OSBPL9: variants seen among roughly 807,000 people sequenced by gnomAD.
OSBPL9 encodes oxysterol-binding protein-related protein 9.
Under a neutral mutation model 106.6 loss-of-function variants are expected in OSBPL9, and 40 were observed. The ratio of observed to expected loss-of-function variants is 0.38; its 90% CI spans 0.29 to 0.49. OSBPL9 has a LOEUF of 0.49. OSBPL9 is among the 20% of genes least tolerant of loss of function. The pLI is 0.97. For synonymous variants in OSBPL9, 269 were observed against 295.4 expected, an observed-to-expected ratio of 0.91 and a Z score of 0.92; for missense variants, 609 against 887.2, an observed-to-expected ratio of 0.69 and a Z score of 3.98.
At chr1:51,696,418 C>T (rs1248961391) in intron 3 of OSBPL9, among the ~76,000 whole-genome samples, 1 of 152,142 alleles carries the variant, frequency 6.6e-6, no homozygotes, top group Admixed American at 6.6e-5. Flanking sequence ...ACAACAACAA[C>T]AACAAAAAGC....
At chr1:51,670,254 G>T (rs1483367217) in intron 3 of OSBPL9, among the ~76,000 whole-genome samples, 1 of 152,108 alleles carries the variant, frequency 6.6e-6, no homozygotes, top group Non-Finnish European at 1.5e-5. Context: ...TAGTATTAAT[G>T]GTTTTGTTAT....
At chr1:51,605,330 C>A (rs185608312) in intron 2 of OSBPL9, among the ~76,000 whole-genome samples, 2 of 152,298 alleles carry the variant, frequency 1.3e-5, no homozygotes, top group African/African-American at 4.8e-5. Context: ...GTGGCTCACA[C>A]CTGCAATCCC....
the OSBPL9 span, among the ~76,000 whole-genome samples, chr1:51,568,039 T>C: frequency 6.6e-6 from 1 of 152,222 alleles, no homozygotes; most frequent in Non-Finnish European, 1.5e-5. Flanking sequence ...CAGGACATTG[T>C]GAAAACATAA....
At position 51,760,722 on chromosome 1, in the gene OSBPL9, A is replaced by T. The variant is rs746740176; in HGVS notation, c.615A>T (p.Gln205His). 6.2e-7 allele frequency: 1 copy of T among 1,613,920 alleles called. No individual in the cohort carries two copies. The highest frequency in any genetic ancestry group is 1.7e-5 in the Admixed American group (1 of 60,018). ...STINPVDAIY[Q>H]PSPLEPVIST... ...TTAATCCCGTAGATGCAATATATCA[A>T]CCTAGTCCTTTGGAACCTGTGATCA... The change falls in exon 10 of 24, where the codon CAA becomes CAT. Residue 205 changes from glutamine (Q) to histidine (H), a missense_variant. Around this residue, in one of 5 missense-constraint regions of OSBPL9, gnomAD observed 356 missense variants for 505.8 expected, o/e 0.70. Transcript: ENST00000428468.
chr1:51,786,711 A>ACT (rs1677725500), intron 22 of OSBPL9, 94 bp downstream of exon 22: 1 of 976,044 alleles, frequency 1.0e-6, no homozygotes, highest in East Asian at 2.6e-5. Flanking sequence ...AGTAGGGCAG[A>ACT]GCATAATAGT....
intron 8 of OSBPL9, among the ~76,000 whole-genome samples, chr1:51,751,118 C>T (rs576936547): frequency 1.3e-5 from 2 of 152,260 alleles, no homozygotes; most frequent in African/African-American, 2.4e-5. Context: ...GAGACAGTCT[C>T]GCTCTGTTGC....
intron 1 of OSBPL9, among the ~76,000 whole-genome samples, chr1:51,645,739 C>T (rs1228952529): frequency 1.3e-5 from 2 of 151,988 alleles, no homozygotes; most frequent in East Asian, 3.8e-4. Flanking sequence ...ACGTTTTTAC[C>T]TAAGAACTTA....
At chr1:51,615,508 T>C (rs1644031283), upstream of OSBPL9, among the ~76,000 whole-genome samples, 1 of 152,204 alleles carries the variant, frequency 6.6e-6, no homozygotes, top group African/African-American at 2.4e-5. Context: ...GTCTCAATCT[T>C]ATGAAGGGCT....
At chr1:51,697,672 G>A (rs569089950) in intron 3 of OSBPL9, among the ~76,000 whole-genome samples, 1 of 151,432 alleles carries the variant, frequency 6.6e-6, no homozygotes, top group South Asian at 2.1e-4. Flanking sequence ...GGTTGTGTGA[G>A]TTACGCTGGA....
intron 21 of OSBPL9, 143 bp downstream of exon 21, chr1:51,786,029 T>C (rs1056489732): frequency 1.4e-6 from 1 of 700,102 alleles, no homozygotes; most frequent in Non-Finnish European, 2.4e-6. Flanking sequence ...ACAGCTCCAG[T>C]GTATGTCATC....
At chr1:51,552,001 T>TGTGTGTGTGTGTGTGTGTGTGTG in the OSBPL9 span, among the ~76,000 whole-genome samples, 1 of 87,394 alleles carries the variant, frequency 1.1e-5, no homozygotes, top group Non-Finnish European at 2.4e-5. Flanking sequence ...GTGTGTGTGT[T>TGTGTGTGTGTGTGTGTGTGTGTG]TAGTTTGTTC....
At chr1:51,779,230 G>A (rs1010145748) in intron 15 of OSBPL9, among the ~76,000 whole-genome samples, 2 of 152,188 alleles carry the variant, frequency 1.3e-5, no homozygotes, top group Non-Finnish European at 2.9e-5. Context: ...GAACAGAATA[G>A]AGAACCCAGA....
At chr1:51,536,800 A>G in the OSBPL9 span, among the ~76,000 whole-genome samples, 1 of 152,154 alleles carries the variant, frequency 6.6e-6, no homozygotes, top group Non-Finnish European at 1.5e-5. Flanking sequence ...AATCCTAGTT[A>G]TATGATGTTG....
In OSBPL9 at chr1:51,669,446, G is replaced by A; in HGVS notation, c.175G>A (p.Gly59Ser). The A allele has an allele frequency of 6.2e-7, 1 of 1,613,964 alleles. No homozygotes were observed. The highest frequency in any genetic ancestry group is 8.5e-7 in the Non-Finnish European group (1 of 1,179,918). The change falls in exon 3 of 24, where the codon GGT (glycine) becomes AGT (serine). Residue 59 changes from glycine to serine, a missense_variant. Coordinates refer to ENST00000428468, the MANE Select transcript of OSBPL9 (RefSeq NM_024586.6). ...CTTTGTTTCACAGGGAGCTGTGATTGGTATAGACGATGAGGACGACAGCAC... is the reference window on the plus strand; with the variant it reads ...CTTTGTTTCACAGGGAGCTGTGATTAGTATAGACGATGAGGACGACAGCAC... ...GCVRLRGAVI[G>S]IDDEDDSTFT...
chr1:51,621,677 C>T (rs1269997529), intron 1 of OSBPL9, among the ~76,000 whole-genome samples: 1 of 152,118 alleles, frequency 6.6e-6, no homozygotes, highest in African/African-American at 2.4e-5. Context: ...GTCAGAATTC[C>T]AAACAAGATC....
At chr1:51,596,757 G>T (rs1329080451) in intron 1 of OSBPL9, among the ~76,000 whole-genome samples, 2 of 152,042 alleles carry the variant, frequency 1.3e-5, no homozygotes, top group East Asian at 3.9e-4. Flanking sequence ...TCCATCCTGG[G>T]TGACAGAGCG....
chr1:51,662,986 T>C (rs1213928765), intron 2 of OSBPL9, among the ~76,000 whole-genome samples: 2 of 152,062 alleles, frequency 1.3e-5, no homozygotes, highest in African/African-American at 2.4e-5. Flanking sequence ...CCTCATGATC[T>C]GCCCGCCTTG....
chr1:51,750,855 G>A (rs1669079475), intron 8 of OSBPL9, among the ~76,000 whole-genome samples: 1 of 152,184 alleles, frequency 6.6e-6, no homozygotes, highest in Admixed American at 6.5e-5. Context: ...CTAGCAAGGG[G>A]TGGGTGACCA....
At chr1:51,671,092 G>C (rs763478058) in intron 3 of OSBPL9, among the ~76,000 whole-genome samples, 4 of 152,186 alleles carry the variant, frequency 2.6e-5, no homozygotes, top group Non-Finnish European at 5.9e-5. Flanking sequence ...AATGATAAGA[G>C]TTATGCACAT....
Sources: allele counts gnomAD v4.1 joint callset (sites outside exome capture counted in the v4.1 genomes callset), GRCh38; gene constraint gnomAD v4.1.1; regional missense constraint gnomAD v4.1.1; transcripts MANE v1.5; gene names NCBI Gene and HGNC (gene_info 2026-07-23, HGNC 2026-07-21).